Variants in LRP6 observed in about 807,000 individuals in gnomAD.
LRP6 encodes the protein LDL receptor related protein 6.
LRP6 carries 43 observed loss-of-function variants against 184.1 expected under a neutral mutation model. The observed-to-expected ratio is 0.23, with a 90% confidence interval of 0.18 to 0.30. The LOEUF is 0.30. Ranked by LOEUF, LRP6 falls within the 10% of genes least tolerant of loss-of-function variation. The pLI, the probability that LRP6 is intolerant of heterozygous loss-of-function variation, is 1.00. For synonymous variants in LRP6, 719 were observed against 684.9 expected, an observed-to-expected ratio of 1.05 and a Z score of -0.78; for missense variants, 1,571 against 2,005.3, an observed-to-expected ratio of 0.78 and a Z score of 4.14.
intron 20 of LRP6, among the ~76,000 whole-genome samples, 191 bp downstream of exon 20, chr12:12,126,500 C>T (rs1453207362): frequency 6.6e-6 from 1 of 152,158 alleles, no homozygotes; most frequent in African/African-American, 2.4e-5. Flanking sequence ...CAATTTCTAC[C>T]AAACCATATC....
chr12:12,179,253 G>A (rs796119573), intron 7 of LRP6, among the ~76,000 whole-genome samples: 4 of 152,020 alleles, frequency 2.6e-5, no homozygotes, highest in African/African-American at 9.6e-5. Flanking sequence ...TGGTTAATTA[G>A]TCTTGTTCCC....
intron 2 of LRP6, among the ~76,000 whole-genome samples, chr12:12,206,281 G>A (rs1048466370): frequency 3.9e-5 from 6 of 152,080 alleles, no homozygotes; most frequent in African/African-American, 1.2e-4. Context: ...GGTGGCTCAC[G>A]CCTGTAATCC....
rs559933647 is a variant in LRP6, at chr12:12,160,432, C to T, written c.2280-468G>A. On this transcript the variant is annotated intron_variant, in intron 10 of 22. Transcript: ENST00000261349. ...ATCAACTCTTCCTCAAAATAAGTTG[C>T]AGAAGTACATGAAAGGTAATTATAA... Among the ~76,000 whole-genome samples, 7 of 152,198 alleles carry T rather than the reference C, an allele frequency of 4.6e-5. 1 individual carries two copies. The South Asian group carries it at 1.5e-3, about 32-fold the overall frequency.
chr12:12,188,615 TA>T (rs1863538079), intron 3 of LRP6, among the ~76,000 whole-genome samples: 1 of 152,244 alleles, frequency 6.6e-6, no homozygotes, highest in East Asian at 1.9e-4. Flanking sequence ...TAAAGCATTA[TA>T]AATTCAGACA....
Position 12,181,443 on chromosome 12 carries a change from G to T in LRP6, c.977-4C>A. 1 of 1,099,136 alleles carries T rather than the reference G, an allele frequency of 9.1e-7. No individual in the cohort carries two copies. The highest frequency in any genetic ancestry group is 1.4e-6 in the Non-Finnish European group (1 of 713,982). The allele number at this position is 1,099,136 out of a possible 1,614,324, so 68.1% of individuals were successfully genotyped here. On this transcript the variant is annotated splice_polypyrimidine_tract_variant and splice_region_variant and intron_variant, in intron 5 of 22. Coordinates refer to ENST00000261349, the MANE Select transcript of LRP6 (RefSeq NM_002336.3). ...AAAAGCAATAATTCTGTGGCACCTA[G>T]AACAACAAAGTGAAATGAAGAATAC...
At chr12:12,250,185 T>G (rs1865291962) in intron 1 of LRP6, among the ~76,000 whole-genome samples, 1 of 152,202 alleles carries the variant, frequency 6.6e-6, no homozygotes, top group South Asian at 2.1e-4. Flanking sequence ...TCCCCTTGCC[T>G]AAATTTACAA....
intron 9 of LRP6, 93 bp from the exon 10 acceptor site, chr12:12,162,512 G>T: frequency 9.8e-7 from 1 of 1,018,756 alleles, no homozygotes; most frequent in Non-Finnish European, 1.6e-6. Context: ...GGGGCAAGAG[G>T]ATCCAGAAGT....
At chr12:12,205,799 AAAG>A (rs1168357513) in intron 2 of LRP6, among the ~76,000 whole-genome samples, 1 of 152,204 alleles carries the variant, frequency 6.6e-6, no homozygotes, top group Non-Finnish European at 1.5e-5. Context: ...CTTGATTTTT[AAAG>A]AAGAGAAAGC....
At chr12:12,196,852 G>A (rs528796080) in intron 3 of LRP6, among the ~76,000 whole-genome samples, 3 of 152,072 alleles carry the variant, frequency 2.0e-5, no homozygotes, top group Non-Finnish European at 4.4e-5. Context: ...GGCAAATAAT[G>A]TCTGTTCTTT....
chr12:12,203,187 A>T lies in LRP6; in HGVS notation c.647+16T>A. 1.3e-6 allele frequency: 2 copies of T among 1,570,184 alleles called. No homozygotes were observed. Among genetic ancestry groups the T allele is most frequent in the African/African-American group, 1.4e-5 (1 of 72,656 alleles). ...CGAGTTTTCTTAAAAGTTTTTTCTAATTCTTGTAATCTTACCGATTTGTTC... is the reference window on the plus strand; with the variant it reads ...CGAGTTTTCTTAAAAGTTTTTTCTATTTCTTGTAATCTTACCGATTTGTTC... On this transcript the variant is annotated intron_variant, in intron 3 of 22. Coordinates refer to ENST00000261349, the MANE Select transcript of LRP6 (RefSeq NM_002336.3).
At chr12:12,160,788 T>C (rs531554222) in intron 10 of LRP6, among the ~76,000 whole-genome samples, 32 of 152,336 alleles carry the variant, frequency 2.1e-4, no homozygotes, top group African/African-American at 7.5e-4. Flanking sequence ...AACTAGAACC[T>C]AATCCTTGGC....
In LRP6 at chr12:12,149,454, C is replaced by A. The variant is rs545013751; in HGVS notation, c.2995-301G>T. Among the ~76,000 whole-genome samples the A allele has an allele frequency of 2.0e-5, 3 of 152,284 alleles. No individual in the cohort carries two copies. The East Asian group carries it at 5.8e-4, about 29-fold the overall frequency. The stretch of plus-strand genomic sequence containing the variant: ...AGTGAGAAGGTGGCAACTATCTTCT[C>A]TAAACTGGAGACAACTGTGGCTAAA... On this transcript the variant is annotated intron_variant, in intron 13 of 22. Transcript: ENST00000261349.
chr12:12,152,773 C>T (rs1377908343), intron 12 of LRP6, among the ~76,000 whole-genome samples: 5 of 152,218 alleles, frequency 3.3e-5, no homozygotes, highest in African/African-American at 1.2e-4. Context: ...CGACTCCTTG[C>T]TTTATTTCCT....
intron 1 of LRP6, among the ~76,000 whole-genome samples, chr12:12,262,466 G>A (rs960565811): frequency 6.6e-6 from 1 of 151,878 alleles, no homozygotes; most frequent in Non-Finnish European, 1.5e-5. Context: ...GCTGAGACAG[G>A]AGAATCGCTT....
chr12:12,189,345 C>T (rs960400237), intron 3 of LRP6, among the ~76,000 whole-genome samples: 7 of 152,134 alleles, frequency 4.6e-5, no homozygotes, highest in Non-Finnish European at 7.3e-5. Flanking sequence ...TTAACACTTT[C>T]GTTAATGATT....
At chr12:12,227,289 A>C (rs75170300) in intron 2 of LRP6, among the ~76,000 whole-genome samples, 1,610 of 152,324 alleles carry the variant, frequency 0.011, 35 homozygotes, top group African/African-American at 0.036. Flanking sequence ...CGTTTTAAGA[A>C]ATGTTAAAAG....
intron 2 of LRP6, among the ~76,000 whole-genome samples, chr12:12,210,443 G>A (rs576615796): frequency 1.1e-3 from 172 of 152,302 alleles, no homozygotes; most frequent in Non-Finnish European, 2.0e-3. Flanking sequence ...TCTGTATCCA[G>A]ACCACCAGTC....
chr12:12,148,399 TTACTTGCTGAA>T (rs1325217487), intron 14 of LRP6, among the ~76,000 whole-genome samples: 17 of 152,182 alleles, frequency 1.1e-4, no homozygotes, highest in African/African-American at 3.9e-4. Flanking sequence ...GTAAGCTACT[TTACTTGCTGAA>T]TACCTTATCA....
At chr12:12,205,344 A>C (rs992246323) in intron 2 of LRP6, among the ~76,000 whole-genome samples, 2 of 147,248 alleles carry the variant, frequency 1.4e-5, no homozygotes, top group African/African-American at 5.2e-5. Flanking sequence ...AAAAAAAAAA[A>C]AAAAAAAAAA....
Sources: gnomAD v4.1 joint callset for allele counts (sites outside exome capture counted in the v4.1 genomes callset) on GRCh38, gnomAD v4.1.1 for gene constraint, MANE v1.5 for transcripts, NCBI Gene and HGNC (gene_info 2026-07-23, HGNC 2026-07-21) for gene names.